TMEM196: variants seen among roughly 807,000 people sequenced by gnomAD.
TMEM196 encodes the protein transmembrane protein 196.
In TMEM196, 17 loss-of-function variants were observed where a neutral mutation model predicts 20.0. The ratio of observed to expected loss-of-function variants is 0.85; its 90% confidence interval spans 0.58 to 1.27. The LOEUF (loss-of-function observed/expected upper bound fraction) is 1.27, where lower values mean the gene tolerates loss of function less well. Ranked by LOEUF, TMEM196 falls within the 50% of genes most tolerant of loss-of-function variation. The probability of loss-of-function intolerance (pLI) is 0.00; values close to 1 mark genes in which losing one functional copy is unlikely to be tolerated. For missense variants in TMEM196, 267 were observed against 223.0 expected (o/e 1.20, Z -1.26); for synonymous variants, 113 against 88.9 (o/e 1.27, Z -1.52).
intron 1 of TMEM196, among the ~76,000 whole-genome samples, chr7:19,731,031 A>C (rs1366915306): frequency 6.6e-6 from 1 of 152,198 alleles, no homozygotes; most frequent in East Asian, 1.9e-4. Context: ...AAAGTTAAAT[A>C]TTTATATAAT....
chr7:19,764,996 C>T (rs777529567), intron 1 of TMEM196, among the ~76,000 whole-genome samples: 6 of 152,112 alleles, frequency 3.9e-5, no homozygotes, highest in Non-Finnish European at 7.4e-5. Flanking sequence ...AACAATATTG[C>T]TCTGACTTAA....
chr7:19,760,732 T>C (rs1785403460), intron 1 of TMEM196, among the ~76,000 whole-genome samples: 1 of 152,208 alleles, frequency 6.6e-6, no homozygotes, highest in Non-Finnish European at 1.5e-5. Context: ...CTATATTTCT[T>C]TTTTAATTAA....
intron 2 of TMEM196, 38 bp from the exon 3 acceptor site, chr7:19,725,806 G>A (rs948601524): frequency 6.4e-7 from 1 of 1,553,588 alleles, no homozygotes; most frequent in Admixed American, 1.8e-5. Flanking sequence ...AAGTTGAAAA[G>A]GCAAACCTGA....
chr7:19,734,064 G>A, intron 1 of TMEM196, among the ~76,000 whole-genome samples: 1 of 151,936 alleles, frequency 6.6e-6, no homozygotes, highest in East Asian at 1.9e-4. Flanking sequence ...CTGAAGGTGG[G>A]GCACTCACAT....
intron 2 of TMEM196, 46 bp downstream of exon 2, chr7:19,729,336 C>T (rs74749749): frequency 0.022 from 32,316 of 1,475,056 alleles, 442 homozygotes; most frequent in Non-Finnish European, 0.026. Flanking sequence ...TAGAATTTTA[C>T]GTTTCATACA....
intron 1 of TMEM196, among the ~76,000 whole-genome samples, chr7:19,764,776 C>G (rs373534155): frequency 6.6e-6 from 1 of 152,076 alleles, no homozygotes; most frequent in Non-Finnish European, 1.5e-5. Context: ...ATTCTGGTAA[C>G]ATGGAGGTTG....
chr7:19,738,636 G>A (rs563672825), intron 1 of TMEM196, among the ~76,000 whole-genome samples: 60 of 152,092 alleles, frequency 3.9e-4, no homozygotes, highest in African/African-American at 1.4e-3. Flanking sequence ...CCACATTGAG[G>A]TTTGTCAAAG....
chr7:19,748,879 TC>T (rs1784859315), intron 1 of TMEM196, among the ~76,000 whole-genome samples: 1 of 152,176 alleles, frequency 6.6e-6, no homozygotes, highest in African/African-American at 2.4e-5. Flanking sequence ...TTCCTTAAAA[TC>T]ATGTTTTCTT....
chr7:19,724,760 A>G (rs776043768), intron 3 of TMEM196, among the ~76,000 whole-genome samples: 42 of 152,202 alleles, frequency 2.8e-4, no homozygotes, highest in Non-Finnish European at 5.1e-4. Context: ...GAAGCAAAAT[A>G]TAATGTGGCC....
intron 1 of TMEM196, among the ~76,000 whole-genome samples, chr7:19,750,165 C>A (rs1204766283): frequency 1.3e-5 from 2 of 152,190 alleles, no homozygotes; most frequent in Non-Finnish European, 2.9e-5. Context: ...GTTCTGTTGT[C>A]TTTCTCTCTC....
intron 1 of TMEM196, among the ~76,000 whole-genome samples, chr7:19,736,447 G>T (rs1163357527): frequency 3.7e-5 from 5 of 136,254 alleles, no homozygotes; most frequent in Non-Finnish European, 6.3e-5. Flanking sequence ...TGGAAAGCTT[G>T]CCTGAAAGCA....
chr7:19,770,624 A>G (rs1785831806), intron 1 of TMEM196, among the ~76,000 whole-genome samples: 2 of 152,194 alleles, frequency 1.3e-5, no homozygotes, highest in Admixed American at 6.5e-5. Context: ...AGACAATAGA[A>G]TTCAAAACTA....
At chr7:19,723,394 T>C (rs1264800327) in intron 4 of TMEM196, among the ~76,000 whole-genome samples, 1 of 152,172 alleles carries the variant, frequency 6.6e-6, no homozygotes, top group Non-Finnish European at 1.5e-5. Context: ...GACTTTCCAC[T>C]CAAAAACTGC....
chr7:19,732,622 GTTT>G (rs35891413), intron 1 of TMEM196, among the ~76,000 whole-genome samples: 6 of 133,076 alleles, frequency 4.5e-5, no homozygotes, highest in African/African-American at 1.8e-4. Context: ...GATTTTTAGA[GTTT>G]TTTTTTTTTG....
chr7:19,744,273 T>G (rs890809670), intron 1 of TMEM196, among the ~76,000 whole-genome samples: 12 of 152,200 alleles, frequency 7.9e-5, no homozygotes, highest in Non-Finnish European at 1.5e-4. Flanking sequence ...TATTCATTAC[T>G]CAGCAATTTT....
At chr7:19,751,799 C>T (rs1049208426) in intron 1 of TMEM196, among the ~76,000 whole-genome samples, 6 of 152,090 alleles carry the variant, frequency 3.9e-5, no homozygotes, top group African/African-American at 1.4e-4. Flanking sequence ...TTCCCTTGTA[C>T]CAAAACTGTG....
intron 1 of TMEM196, among the ~76,000 whole-genome samples, chr7:19,745,781 A>C (rs1300761970): frequency 6.7e-6 from 1 of 149,746 alleles, no homozygotes; most frequent in African/African-American, 2.5e-5. Flanking sequence ...GAGGACATCA[A>C]ACCTTAGGAG....
intron 1 of TMEM196, among the ~76,000 whole-genome samples, chr7:19,755,687 C>T (rs1393883217): frequency 1.3e-5 from 2 of 152,074 alleles, no homozygotes; most frequent in Non-Finnish European, 2.9e-5. Context: ...CAAAAAATAA[C>T]ACAAATTGTC....
chr7:19,739,230 G>A (rs930483214), intron 1 of TMEM196, among the ~76,000 whole-genome samples: 38 of 152,208 alleles, frequency 2.5e-4, no homozygotes, highest in African/African-American at 8.9e-4. Flanking sequence ...AAATTCCCAA[G>A]AGAATCAACT....
Sources: allele counts gnomAD v4.1 joint callset (sites outside exome capture counted in the v4.1 genomes callset), GRCh38; gene constraint gnomAD v4.1.1; transcripts MANE v1.5; gene names NCBI Gene and HGNC (gene_info 2026-07-23, HGNC 2026-07-21).